CHRM3: variants seen among roughly 807,000 people sequenced by gnomAD.
CHRM3 encodes cholinergic receptor muscarinic 3, also known as muscarinic acetylcholine receptor M3.
In CHRM3, 11 loss-of-function variants were observed where a neutral mutation model predicts 41.8. That is an observed-to-expected ratio of 0.26 (90% CI 0.17 to 0.44). The LOEUF is 0.44. CHRM3 is among the 20% of genes least tolerant of loss of function. The pLI is 1.00. For synonymous variants in CHRM3, 297 were observed against 301.4 expected, an observed-to-expected ratio of 0.99 and a Z score of 0.15; for missense variants, 571 against 745.4, an observed-to-expected ratio of 0.77 and a Z score of 2.72.
intron 1 of CHRM3, among the ~76,000 whole-genome samples, chr1:239,442,608 T>C (rs975944273): frequency 6.6e-6 from 1 of 152,090 alleles, no homozygotes; most frequent in Non-Finnish European, 1.5e-5. Flanking sequence ...CTCTTTGAGG[T>C]TGTTCTGAGA....
intron 4 of CHRM3, among the ~76,000 whole-genome samples, chr1:239,646,580 G>T (rs771922868): frequency 2.0e-5 from 3 of 152,130 alleles, no homozygotes; most frequent in Non-Finnish European, 4.4e-5. Flanking sequence ...TCTATAAGAA[G>T]GTTATATAAT....
chr1:239,454,283 G>T (rs1263305207), intron 1 of CHRM3, among the ~76,000 whole-genome samples: 1 of 152,100 alleles, frequency 6.6e-6, no homozygotes, highest in Non-Finnish European at 1.5e-5. Flanking sequence ...TTATTTGCTA[G>T]ATTGGCTCAT....
intron 6 of CHRM3, among the ~76,000 whole-genome samples, chr1:239,858,494 C>A (rs1675302490): frequency 7.0e-6 from 1 of 142,006 alleles, no homozygotes; most frequent in Non-Finnish European, 1.5e-5. Flanking sequence ...GTGTCTTAAC[C>A]TTTATGTGCC....
rs186721138 is a variant in CHRM3 at position 239,670,830 on chromosome 1, G to A, written c.-249-7356G>A. 1.6e-4 allele frequency among the ~76,000 whole-genome samples: 25 copies of A among 152,090 alleles called. No individual in the cohort carries two copies. The East Asian group carries it at 4.1e-3, about 25-fold the overall frequency. On this transcript the variant is annotated intron_variant, in intron 4 of 6. Coordinates refer to ENST00000676153, the MANE Select transcript of CHRM3 (RefSeq NM_001375978.1). ...TTGAGTTTTTTCTTTCCCAGTTTGG[G>A]GTGACTGTGGATAGTTTCTGTGAAC...
intron 2 of CHRM3, among the ~76,000 whole-genome samples, chr1:239,496,119 GTCTC>G (rs1389171766): frequency 2.6e-5 from 4 of 152,000 alleles, no homozygotes; most frequent in African/African-American, 4.8e-5. Context: ...ATTGGCTGAC[GTCTC>G]TCTATTTATT....
chr1:239,599,052 C>G (rs1434470355), intron 3 of CHRM3, among the ~76,000 whole-genome samples: 3 of 152,184 alleles, frequency 2.0e-5, no homozygotes, highest in Non-Finnish European at 4.4e-5. Flanking sequence ...CTCCCTTAAT[C>G]CCATCTTCCG....
intron 5 of CHRM3, among the ~76,000 whole-genome samples, chr1:239,785,471 CT>C (rs1668818347): frequency 6.6e-6 from 1 of 152,182 alleles, no homozygotes; most frequent in Admixed American, 6.5e-5. Flanking sequence ...AAACCCTTCG[CT>C]TTCTGTCTGC....
chr1:239,571,442 A>G (rs1485413116), intron 3 of CHRM3, among the ~76,000 whole-genome samples: 2 of 152,198 alleles, frequency 1.3e-5, no homozygotes, highest in Non-Finnish European at 2.9e-5. Flanking sequence ...CACAGCTGTG[A>G]AATTGCAGAG....
intron 5 of CHRM3, among the ~76,000 whole-genome samples, chr1:239,717,426 A>G (rs1662491345): frequency 1.3e-5 from 2 of 151,828 alleles, no homozygotes; most frequent in African/African-American, 2.4e-5. Flanking sequence ...CTCTCTCAGC[A>G]TTATAAAATC....
intron 5 of CHRM3, among the ~76,000 whole-genome samples, chr1:239,781,104 A>T (rs1462944033): frequency 1.3e-5 from 2 of 152,140 alleles, no homozygotes; most frequent in African/African-American, 4.8e-5. Context: ...TTGCCTCTCC[A>T]TGTAAACTTT....
At chr1:239,713,397 T>C (rs1341876032) in intron 5 of CHRM3, among the ~76,000 whole-genome samples, 1 of 152,202 alleles carries the variant, frequency 6.6e-6, no homozygotes, top group Admixed American at 6.5e-5. Context: ...CAATTGTGCC[T>C]GGCCCATTGC....
intron 1 of CHRM3, among the ~76,000 whole-genome samples, chr1:239,471,486 T>TG (rs1404668000): frequency 6.6e-6 from 1 of 152,172 alleles, no homozygotes. Flanking sequence ...CATACATACT[T>TG]GGGGTTGTCT....
At chr1:239,820,562 A>G (rs1475530969) in intron 5 of CHRM3, among the ~76,000 whole-genome samples, 2 of 152,216 alleles carry the variant, frequency 1.3e-5, no homozygotes, top group Non-Finnish European at 2.9e-5. Context: ...ATCTCATCCT[A>G]TGCTTCGGGA....
intron 3 of CHRM3, among the ~76,000 whole-genome samples, chr1:239,581,175 A>G (rs1233712343): frequency 1.3e-5 from 2 of 152,134 alleles, no homozygotes; most frequent in Non-Finnish European, 2.9e-5. Context: ...TTTCTTGAAT[A>G]GAAATAGTAA....
chr1:239,658,808 GGCT>G, intron 4 of CHRM3, among the ~76,000 whole-genome samples: 1 of 151,342 alleles, frequency 6.6e-6, no homozygotes, highest in East Asian at 1.9e-4. Context: ...GTGCGATCTT[GGCT>G]CACTGCAACC....
In CHRM3 at chr1:239,908,255, G is replaced by T. The variant is rs761871631; in HGVS notation, c.804G>T (p.Leu268=). The T allele has an allele frequency of 6.2e-7, 1 of 1,614,130 alleles. No individual in the cohort carries two copies. Among genetic ancestry groups the T allele is most frequent in the East Asian group, 2.2e-5 (1 of 44,872 alleles). ...AGCGTACCAAAGAGCTTGCTGGCCT[G>T]CAAGCCTCTGGGACAGAGGCAGAGA... is the stretch of plus-strand genomic sequence containing the variant. ...TEKRTKELAG[L]QASGTEAETE... The change falls in exon 7 of 7, where the codon CTG becomes CTT. Residue 268 remains leucine (L), a synonymous_variant. Coordinates refer to ENST00000676153, the MANE Select transcript of CHRM3 (RefSeq NM_001375978.1). The surrounding 1 kb of genome is among the most constrained non-coding windows in gnomAD (Gnocchi z 7.2).
intron 5 of CHRM3, among the ~76,000 whole-genome samples, chr1:239,818,906 C>T (rs898707358): frequency 6.6e-5 from 10 of 152,084 alleles, no homozygotes; most frequent in African/African-American, 2.2e-4. Flanking sequence ...GGGCCCCTTC[C>T]GATTGGTTGC....
intron 6 of CHRM3, among the ~76,000 whole-genome samples, chr1:239,872,430 G>C (rs975721940): frequency 2.6e-5 from 4 of 152,120 alleles, no homozygotes; most frequent in Non-Finnish European, 5.9e-5. Flanking sequence ...AAGAGGAGTA[G>C]CTATCCTGAA....
intron 6 of CHRM3, among the ~76,000 whole-genome samples, chr1:239,890,558 A>G (rs10926003): frequency 0.27 from 40,759 of 151,970 alleles, 6,095 homozygotes; most frequent in South Asian, 0.36. Flanking sequence ...ATGAATATAT[A>G]TGCCATATAT....
Sources: allele counts gnomAD v4.1 joint callset (sites outside exome capture counted in the v4.1 genomes callset), GRCh38; gene constraint gnomAD v4.1.1; non-coding constraint Gnocchi (gnomAD v3.1); transcripts MANE v1.5; gene names NCBI Gene and HGNC (gene_info 2026-07-23, HGNC 2026-07-21).